The following HS6ST3 variants were observed in gnomAD, a reference collection of about 807,000 sequenced individuals.
The protein encoded by HS6ST3 is heparan-sulfate 6-O-sulfotransferase 3.
In HS6ST3, 12 loss-of-function variants were observed where a neutral mutation model predicts 36.7. The ratio of observed to expected loss-of-function variants is 0.33; its 90% CI spans 0.21 to 0.53. HS6ST3 has a LOEUF of 0.53. HS6ST3 is among the 20% of genes least tolerant of loss of function. The probability of loss-of-function intolerance (pLI) is 0.95; values close to 1 mark genes in which losing one functional copy is unlikely to be tolerated. For synonymous variants in HS6ST3, 240 were observed against 257.5 expected, an observed-to-expected ratio of 0.93 and a Z score of 0.65; for missense variants, 584 against 640.9, an observed-to-expected ratio of 0.91 and a Z score of 0.96.
Position 96,640,688 on chromosome 13 carries a change from A to G in HS6ST3, c.708-191802A>G, listed in dbSNP as rs568106474. 2.2e-4 allele frequency among the ~76,000 whole-genome samples: 34 copies of G among 151,964 alleles called. 1 individual carries two copies. The highest frequency in any genetic ancestry group is 4.3e-4 in the Non-Finnish European group (29 of 67,938). ...TTTCTTCTAGGATTCTTATAGTTCG[A>G]GGTCTTACATGAAAATTTTTCATTC... is the stretch of plus-strand genomic sequence containing the variant. On this transcript the variant is annotated intron_variant, in intron 1 of 1. Transcript: ENST00000376705.
chr13:96,162,174 A>T (rs926208178), intron 1 of HS6ST3, among the ~76,000 whole-genome samples: 6 of 152,224 alleles, frequency 3.9e-5, no homozygotes, highest in African/African-American at 9.6e-5. Flanking sequence ...AGAAGTAAGG[A>T]TATAAAAATG....
chr13:96,804,948 C>T (rs1878161050), intron 1 of HS6ST3, among the ~76,000 whole-genome samples: 1 of 152,178 alleles, frequency 6.6e-6, no homozygotes, highest in Non-Finnish European at 1.5e-5. Flanking sequence ...ATTAATAACT[C>T]ACCTTGTTTC....
intron 1 of HS6ST3, among the ~76,000 whole-genome samples, chr13:96,832,250 C>T (rs1164797411): frequency 2.6e-5 from 4 of 152,156 alleles, no homozygotes; most frequent in African/African-American, 9.7e-5. Flanking sequence ...CTTTCCACCC[C>T]ATGCTTCCCC....
intron 1 of HS6ST3, among the ~76,000 whole-genome samples, chr13:96,314,847 A>C (rs2054960161): frequency 6.6e-6 from 1 of 152,204 alleles, no homozygotes; most frequent in Non-Finnish European, 1.5e-5. Flanking sequence ...ATTTCATTTT[A>C]TTACTGATTC....
intron 1 of HS6ST3, among the ~76,000 whole-genome samples, chr13:96,743,568 T>A (rs1234071319): frequency 2.6e-5 from 4 of 152,060 alleles, no homozygotes; most frequent in Non-Finnish European, 5.9e-5. Flanking sequence ...GAATAACTGG[T>A]CTTTCTATTA....
intron 1 of HS6ST3, among the ~76,000 whole-genome samples, chr13:96,736,379 A>G (rs772960835): frequency 6.6e-6 from 1 of 152,252 alleles, no homozygotes; most frequent in Non-Finnish European, 1.5e-5. Flanking sequence ...AGGCAAATTT[A>G]GACAAAGAAT....
At chr13:96,184,562 C>T (rs547627883) in intron 1 of HS6ST3, among the ~76,000 whole-genome samples, 1 of 152,220 alleles carries the variant, frequency 6.6e-6, no homozygotes, top group South Asian at 2.1e-4. Flanking sequence ...CGGCAATGAC[C>T]TGCCTGTTCT....
chr13:96,553,737 C>G (rs2056228953), intron 1 of HS6ST3, among the ~76,000 whole-genome samples: 1 of 152,128 alleles, frequency 6.6e-6, no homozygotes, highest in Non-Finnish European at 1.5e-5. Context: ...CCAGAGCTTT[C>G]TTGAATATTT....
chr13:96,248,322 C>A (rs1875887909), intron 1 of HS6ST3, among the ~76,000 whole-genome samples: 1 of 152,152 alleles, frequency 6.6e-6, no homozygotes, highest in African/African-American at 2.4e-5. Context: ...TGACCTCCCC[C>A]ATCCTTTTCC....
At chr13:96,317,351 TATATATATATATATATAAAATTATA>T (rs1566322032) in intron 1 of HS6ST3, among the ~76,000 whole-genome samples, 1,414 of 26,894 alleles carry the variant, frequency 0.053, 28 homozygotes, top group Non-Finnish European at 0.074. Flanking sequence ...TATATATATA[TATATATATATATATATAAAATTATA>T]TATATATATA....
intron 1 of HS6ST3, among the ~76,000 whole-genome samples, chr13:96,113,889 A>G (rs1373416849): frequency 1.3e-5 from 2 of 152,134 alleles, no homozygotes; most frequent in Non-Finnish European, 2.9e-5. Flanking sequence ...AGGAATTTGG[A>G]TAGTAGGGGA....
intron 1 of HS6ST3, among the ~76,000 whole-genome samples, chr13:96,794,503 A>C (rs4771962): frequency 0.72 from 109,228 of 151,952 alleles, 40,559 homozygotes; most frequent in African/African-American, 0.93. Context: ...TTTAAAATGT[A>C]TCTACATAAT....
At chr13:96,524,317 G>C (rs2138929724) in intron 1 of HS6ST3, among the ~76,000 whole-genome samples, 1 of 152,320 alleles carries the variant, frequency 6.6e-6, no homozygotes, top group East Asian at 1.9e-4. Flanking sequence ...ACAGGGGTCA[G>C]GGACCCACTT....
chr13:96,228,750 G>A (rs1259315252), intron 1 of HS6ST3, among the ~76,000 whole-genome samples: 1 of 152,052 alleles, frequency 6.6e-6, no homozygotes, highest in Non-Finnish European at 1.5e-5. Context: ...CTGCCTTCAG[G>A]GAACTTTTCA....
At chr13:96,182,218 T>C (rs934773612) in intron 1 of HS6ST3, among the ~76,000 whole-genome samples, 1 of 152,346 alleles carries the variant, frequency 6.6e-6, no homozygotes, top group East Asian at 1.9e-4. Context: ...AATTTGAGTT[T>C]CTGAGACTTT....
chr13:96,205,044 C>T (rs970803749), intron 1 of HS6ST3, among the ~76,000 whole-genome samples: 31 of 151,372 alleles, frequency 2.0e-4, no homozygotes, highest in African/African-American at 6.3e-4. Context: ...TAAACAAATC[C>T]AGGAGTTTTT....
At chr13:96,470,718 A>G (rs1343311106) in intron 1 of HS6ST3, among the ~76,000 whole-genome samples, 1 of 152,158 alleles carries the variant, frequency 6.6e-6, no homozygotes, top group African/African-American at 2.4e-5. Context: ...CCACTCCACT[A>G]AAATTTCTCT....
intron 1 of HS6ST3, among the ~76,000 whole-genome samples, chr13:96,303,544 G>C (rs2054893925): frequency 6.6e-6 from 1 of 152,142 alleles, no homozygotes; most frequent in Admixed American, 6.6e-5. Context: ...TGGGAAGGAT[G>C]AATGAAGAGT....
chr13:96,359,903 A>G (rs1413476842), intron 1 of HS6ST3, among the ~76,000 whole-genome samples: 1 of 152,196 alleles, frequency 6.6e-6, no homozygotes, highest in African/African-American at 2.4e-5. Context: ...AGAAACTTGC[A>G]CTGAAGCAGG....
Sources: gnomAD v4.1 joint callset for allele counts (sites outside exome capture counted in the v4.1 genomes callset) on GRCh38, gnomAD v4.1.1 for gene constraint, MANE v1.5 for transcripts, NCBI Gene and HGNC (gene_info 2026-07-23, HGNC 2026-07-21) for gene names.